The following PTPRD variants were observed in gnomAD, a reference collection of about 807,000 sequenced individuals.
The protein encoded by PTPRD is receptor-type tyrosine-protein phosphatase delta.
In PTPRD, 34 loss-of-function variants were observed where a neutral mutation model predicts 214.5. That is an observed-to-expected ratio of 0.16 (90% CI 0.12 to 0.21). The LOEUF (loss-of-function observed/expected upper bound fraction) is 0.21. Ranked by LOEUF, PTPRD falls within the 10% of genes least tolerant of loss-of-function variation. The pLI, the probability that PTPRD is intolerant of heterozygous loss-of-function variation, is 1.00. For missense variants in PTPRD, 2,545 were observed against 2,398.7 expected (o/e 1.06, Z -1.27); for synonymous variants, 1,128 against 845.7 (o/e 1.33, Z -5.79).
chr9:9,705,169 T>C (rs1274088800), intron 7 of PTPRD, among the ~76,000 whole-genome samples: 2 of 152,218 alleles, frequency 1.3e-5, no homozygotes, highest in Non-Finnish European at 1.5e-5. Context: ...TACAATTCAG[T>C]ATATATTCAT....
At chr9:8,383,668 G>A (rs2085933484) in intron 37 of PTPRD, among the ~76,000 whole-genome samples, 2 of 152,132 alleles carry the variant, frequency 1.3e-5, no homozygotes, top group South Asian at 2.1e-4. Context: ...AATTGGCACA[G>A]CCCACATTGG....
chr9:9,692,034 A>G (rs763253628), intron 7 of PTPRD, among the ~76,000 whole-genome samples: 2 of 152,070 alleles, frequency 1.3e-5, no homozygotes, highest in Non-Finnish European at 2.9e-5. Context: ...ATCTCCTGTC[A>G]AGTGAGTAGT....
intron 10 of PTPRD, among the ~76,000 whole-genome samples, chr9:9,042,985 A>T (rs1317093976): frequency 6.6e-6 from 1 of 152,140 alleles, no homozygotes; most frequent in Non-Finnish European, 1.5e-5. Flanking sequence ...TTGTAGTTTG[A>T]AGCTGAAGGC....
At chr9:8,888,885 G>C (rs970858300) in intron 11 of PTPRD, among the ~76,000 whole-genome samples, 1 of 152,188 alleles carries the variant, frequency 6.6e-6, no homozygotes, top group African/African-American at 2.4e-5. Flanking sequence ...TGAAGGCCCA[G>C]AGCAGCTTAT....
chr9:10,281,066 T>C (rs1233307224), intron 3 of PTPRD, among the ~76,000 whole-genome samples: 1 of 152,166 alleles, frequency 6.6e-6, no homozygotes, highest in Non-Finnish European at 1.5e-5. Context: ...ACTCTAATTT[T>C]CCCAAGCAAA....
chr9:9,495,174 G>C (rs548632818), intron 8 of PTPRD, among the ~76,000 whole-genome samples: 24 of 151,978 alleles, frequency 1.6e-4, no homozygotes, highest in African/African-American at 5.3e-4. Context: ...CTCAAAATGG[G>C]TCTAAATGTC....
intron 7 of PTPRD, among the ~76,000 whole-genome samples, chr9:9,646,390 G>A (rs2096177674): frequency 6.6e-6 from 1 of 151,204 alleles, no homozygotes; most frequent in South Asian, 2.1e-4. Context: ...ATGTTATTCT[G>A]CTGTTTTCTA....
At chr9:9,161,201 C>T (rs2099887843) in intron 10 of PTPRD, among the ~76,000 whole-genome samples, 1 of 152,028 alleles carries the variant, frequency 6.6e-6, no homozygotes, top group Non-Finnish European at 1.5e-5. Context: ...AATGTCTCAC[C>T]ACAAAGAATG....
intron 2 of PTPRD, among the ~76,000 whole-genome samples, chr9:10,518,094 G>A (rs1195443729): frequency 2.6e-5 from 4 of 152,130 alleles, no homozygotes; most frequent in Non-Finnish European, 5.9e-5. Flanking sequence ...TCAATCCATT[G>A]TTCTATTCCA....
chr9:10,295,684 A>C (rs2095653457), intron 3 of PTPRD, among the ~76,000 whole-genome samples: 1 of 152,052 alleles, frequency 6.6e-6, no homozygotes, highest in African/African-American at 2.4e-5. Flanking sequence ...GCTACTTTAC[A>C]TGGCAAAAGG....
chr9:10,112,642 T>A (rs1330631976), intron 3 of PTPRD, among the ~76,000 whole-genome samples: 1 of 152,138 alleles, frequency 6.6e-6, no homozygotes, highest in African/African-American at 2.4e-5. Context: ...ATAAAGTTAA[T>A]TTGTTGGACC....
intron 35 of PTPRD, among the ~76,000 whole-genome samples, chr9:8,414,930 GGAGAGAGAGAGAGAGAGAGAGA>G (rs58529453): frequency 1.5e-3 from 72 of 49,264 alleles, no homozygotes; most frequent in Admixed American, 1.7e-3. Flanking sequence ...AGAGGGAGGG[GGAGAGAGAGAGAGAGAGAGAGA>G]GAGAGAGAGA....
At chr9:10,202,416 C>A (rs2099429749) in intron 3 of PTPRD, among the ~76,000 whole-genome samples, 1 of 151,086 alleles carries the variant, frequency 6.6e-6, no homozygotes, top group Non-Finnish European at 1.5e-5. Context: ...GTCTAAGGTG[C>A]TTTTCCCACT....
chr9:10,020,611 A>G (rs2096830337), intron 4 of PTPRD, among the ~76,000 whole-genome samples: 1 of 36,934 alleles, frequency 2.7e-5, no homozygotes, highest in African/African-American at 1.1e-4. Context: ...TATCAATGTG[A>G]CTGGAAAATC....
At chr9:8,552,022 G>C (rs914275224) in intron 14 of PTPRD, among the ~76,000 whole-genome samples, 1 of 152,106 alleles carries the variant, frequency 6.6e-6, no homozygotes, top group East Asian at 1.9e-4. Flanking sequence ...AAAAGTTCTG[G>C]CAATACTGCC....
At chr9:9,128,764 T>C (rs2099838029) in intron 10 of PTPRD, among the ~76,000 whole-genome samples, 1 of 152,210 alleles carries the variant, frequency 6.6e-6, no homozygotes, top group Non-Finnish European at 1.5e-5. Flanking sequence ...AAATAAATTG[T>C]AGTTGCAGCT....
intron 9 of PTPRD, among the ~76,000 whole-genome samples, chr9:9,368,683 A>C (rs2058561475): frequency 6.6e-6 from 1 of 151,912 alleles, no homozygotes; most frequent in African/African-American, 2.4e-5. Flanking sequence ...CTGAATAATA[A>C]ATATGAACCT....
chr9:9,148,700 C>T (rs977974974), intron 10 of PTPRD, among the ~76,000 whole-genome samples: 2 of 152,030 alleles, frequency 1.3e-5, no homozygotes, highest in African/African-American at 4.8e-5. Flanking sequence ...CTTTAGAAAG[C>T]CCACTAAAGA....
chr9:8,826,732 T>TAGTA, intron 11 of PTPRD, among the ~76,000 whole-genome samples: 1 of 152,052 alleles, frequency 6.6e-6, no homozygotes, highest in African/African-American at 2.4e-5. Flanking sequence ...ATGGCAAGCA[T>TAGTA]AGTATCTCTT....
Sources: allele counts gnomAD v4.1 joint callset (sites outside exome capture counted in the v4.1 genomes callset), GRCh38; gene constraint gnomAD v4.1.1; transcripts MANE v1.5; gene names NCBI Gene and HGNC (gene_info 2026-07-23, HGNC 2026-07-21).